The following PCDHGB3 variants were observed in gnomAD, a reference collection of about 807,000 sequenced individuals.
PCDHGB3 encodes protocadherin gamma-B3.
Under a neutral mutation model 59.2 loss-of-function variants are expected in PCDHGB3, and 40 were observed. The observed-to-expected ratio is 0.68, with a 90% confidence interval of 0.52 to 0.88. The LOEUF (loss-of-function observed/expected upper bound fraction) is 0.88, where lower values mean the gene tolerates loss of function less well. Among genes scored for constraint, PCDHGB3 ranks in the 40% least tolerant of loss-of-function variants. PCDHGB3 has a pLI of 0.00. For synonymous variants in PCDHGB3, 581 were observed against 503.6 expected (o/e 1.15, Z -2.06); for missense variants, 1,309 against 1,187.9 (o/e 1.10, Z -1.50).
intron 1 of PCDHGB3, chr5:141,395,524 T>A: frequency 2.5e-6 from 1 of 392,376 alleles, no homozygotes; most frequent in Non-Finnish European, 4.5e-6. Flanking sequence ...CCGTCCATAC[T>A]GGTAATTTTG....
At position 141,486,761 on chromosome 5, in the gene PCDHGB3, A is replaced by G. The variant is rs1368106682; in HGVS notation, c.2416-8046A>G. 1 of 1,614,114 alleles carries G rather than the reference A, an allele frequency of 6.2e-7. No homozygotes were observed. The highest frequency in any genetic ancestry group is 8.5e-7 in the Non-Finnish European group (1 of 1,180,056). ...ATCCTTTGACTATGAGCAAACCCAG[A>G]CACTGCAGTTTGAGGTGCAGGCCCG... On this transcript the variant is annotated intron_variant, in intron 1 of 3. Transcript: ENST00000576222. The surrounding 1 kb of genome is among the most constrained non-coding windows in gnomAD (Gnocchi z 5.0).
At chr5:141,403,708 T>C (rs1265644591) in intron 1 of PCDHGB3, 2 of 1,613,906 alleles carry the variant, frequency 1.2e-6, no homozygotes, top group South Asian at 1.1e-5. Flanking sequence ...TTAAAGTCCT[T>C]GAGAACGTGC....
In PCDHGB3 at chr5:141,372,623, C is replaced by T. The variant is rs1024329977; in HGVS notation, c.2229C>T (p.Tyr743=). The T allele has an allele frequency of 6.8e-6, 11 of 1,613,878 alleles. No homozygotes were observed. In the Admixed American group the frequency reaches 1.2e-4, roughly 17 times the overall value. ...CTGTACCTGGAGTTCTCCCCACCTA[C>T]AGCGAAAGGACTTTGCCTTATTCCT... is the stretch of plus-strand genomic sequence containing the variant. ...FKTVPGVLPT[Y]SERTLPYSYN... is the part of the protein sequence containing the mutation. The change falls in exon 1 of 4, where the codon TAC becomes TAT. Residue 743 remains tyrosine, a synonymous_variant. Transcript: ENST00000576222.
chr5:141,450,937 A>G (rs1011608521), intron 1 of PCDHGB3, among the ~76,000 whole-genome samples: 1 of 148,134 alleles, frequency 6.8e-6, no homozygotes, highest in African/African-American at 2.5e-5. Flanking sequence ...CAATTCTCCT[A>G]CCTCAGCCTC....
chr5:141,444,240 C>T (rs1017550385), intron 1 of PCDHGB3, among the ~76,000 whole-genome samples: 4 of 128,690 alleles, frequency 3.1e-5, no homozygotes, highest in African/African-American at 5.9e-5. Context: ...GGCATGCTCT[C>T]GGCTCACTGC....
intron 1 of PCDHGB3, chr5:141,410,053 C>T: frequency 6.2e-7 from 1 of 1,613,160 alleles, no homozygotes; most frequent in African/African-American, 1.3e-5. Context: ...CCGGACTCTT[C>T]AGCCTGGGGC....
intron 1 of PCDHGB3, among the ~76,000 whole-genome samples, chr5:141,402,221 G>A (rs567791316): frequency 1.3e-5 from 2 of 151,942 alleles, no homozygotes; most frequent in Admixed American, 6.5e-5. Context: ...TAAAATAAAC[G>A]TTTTTCCAGG....
In PCDHGB3 at chr5:141,371,361, G is replaced by C; in HGVS notation, c.967G>C (p.Asp323His). ...DSYTIGVEAKDGGHHTAYCKV... is the reference protein window; with the variant it reads ...DSYTIGVEAKHGGHHTAYCKV... ...CTACACAATTGGGGTGGAAGCAAAG[G>C]ATGGTGGACATCACACTGCATATTG... The change falls in exon 1 of 4, where the codon GAT becomes CAT. Residue 323 changes from aspartate to histidine, a missense_variant. Asp to His is a moderately conservative substitution (Grantham distance 81). Transcript: ENST00000576222. 1 of 1,613,976 alleles carries C rather than the reference G, an allele frequency of 6.2e-7. No individual in the cohort carries two copies. Among genetic ancestry groups the C allele is most frequent in the Non-Finnish European group, 8.5e-7 (1 of 1,179,888 alleles).
intron 1 of PCDHGB3, chr5:141,384,177 T>C (rs1779802926): frequency 6.2e-7 from 1 of 1,613,720 alleles, no homozygotes; most frequent in African/African-American, 1.3e-5. Flanking sequence ...AAGCCACAGA[T>C]GGTGGAACTC....
In PCDHGB3 at chr5:141,422,843, G is replaced by C. The variant is rs778670588; in HGVS notation, c.2415+50034G>C. 1.9e-6 allele frequency: 3 copies of C among 1,614,234 alleles called. No homozygotes were observed. In the East Asian group the frequency reaches 6.7e-5, roughly 36 times the overall value. ...CTGAGAGTGATAGCACGTGACAGCG[G>C]GGACCCGCCCCTCAGCAGCAACGTG... is the stretch of plus-strand genomic sequence containing the variant. On this transcript the variant is annotated intron_variant, in intron 1 of 3. Coordinates refer to ENST00000576222, the MANE Select transcript of PCDHGB3 (RefSeq NM_018924.5).
chr5:141,469,595 CAAAAT>C (rs919167679), intron 1 of PCDHGB3, among the ~76,000 whole-genome samples: 3 of 151,998 alleles, frequency 2.0e-5, no homozygotes, highest in Admixed American at 6.6e-5. Context: ...ATAAATAAAA[CAAAAT>C]AAGTAAAATA....
chr5:141,492,037 C>A (rs556842734), intron 1 of PCDHGB3: 94 of 538,798 alleles, frequency 1.7e-4, no homozygotes, highest in Non-Finnish European at 2.5e-4. Flanking sequence ...AGGAGGCAGT[C>A]ACAGATCCAC....
At chr5:141,452,897 T>C (rs1447851469) in intron 1 of PCDHGB3, among the ~76,000 whole-genome samples, 1 of 152,230 alleles carries the variant, frequency 6.6e-6, no homozygotes, top group Non-Finnish European at 1.5e-5. Flanking sequence ...CCACTTTTAT[T>C]AGTTGGCATT....
rs561053469 is a variant in PCDHGB3 at position 141,389,531 on chromosome 5, A to G, written c.2415+16722A>G. The G allele has an allele frequency of 5.0e-6, 8 of 1,613,210 alleles. No individual in the cohort carries two copies. In the East Asian group the frequency reaches 6.7e-5, roughly 13 times the overall value. On this transcript the variant is annotated intron_variant, in intron 1 of 3. Transcript: ENST00000576222. ...GCGCGAACGTGAGCCTGCGCGTGTT[A>G]GTGGACGACCGCAACGACAATGCGC...
chr5:141,419,013 G>A, intron 1 of PCDHGB3: 2 of 1,613,958 alleles, frequency 1.2e-6, no homozygotes, highest in South Asian at 2.2e-5. Flanking sequence ...GTCAGGTGTA[G>A]CTTAAGTAGA....
rs148433768 is a variant in PCDHGB3 at position 141,385,635 on chromosome 5, C to T, written c.2415+12826C>T. 5.7e-6 allele frequency: 5 copies of T among 870,078 alleles called. No homozygotes were observed. The African/African-American group carries it at 8.9e-5, about 15-fold the overall frequency. 53.9% of individuals were successfully genotyped at this position (870,078 alleles called of 1,614,324 possible). A position where few individuals can be genotyped will look rare whatever the true frequency, so the allele number is the denominator to read the frequency against. On this transcript the variant is annotated intron_variant, in intron 1 of 3. Transcript: ENST00000576222. ...TTTTATACATTGGAATGAATCGAGT[C>T]TTTCATATTGCACAAGGTTAGCAGG...
At chr5:141,467,768 C>T (rs2099151160) in intron 1 of PCDHGB3, among the ~76,000 whole-genome samples, 2 of 151,794 alleles carry the variant, frequency 1.3e-5, no homozygotes, top group African/African-American at 2.4e-5. Flanking sequence ...CTCAAGTGCC[C>T]GCACCTCAGC....
chr5:141,490,686 C>T lies in PCDHGB3; in HGVS notation c.2416-4121C>T. The T allele has an allele frequency of 3.7e-6, 6 of 1,614,196 alleles. No homozygotes were observed. The highest frequency in any genetic ancestry group is 5.1e-6 in the Non-Finnish European group (6 of 1,180,014). ...GCACTGTGGCTGCCTCAGATCCAGA[C>T]ACTGGGGATAATGCCCGCCTCACCT... On this transcript the variant is annotated intron_variant, in intron 1 of 3. Coordinates refer to ENST00000576222, the MANE Select transcript of PCDHGB3 (RefSeq NM_018924.5). This position sits in a 1 kb window ranked among gnomAD's most constrained non-coding sequence, Gnocchi z 5.4.
intron 1 of PCDHGB3, chr5:141,375,524 G>T: frequency 6.2e-7 from 1 of 1,613,986 alleles, no homozygotes; most frequent in Admixed American, 1.7e-5. Flanking sequence ...GGACCCTGAC[G>T]TGGACCAGAA....
Sources: allele counts gnomAD v4.1 joint callset (sites outside exome capture counted in the v4.1 genomes callset), GRCh38; gene constraint gnomAD v4.1.1; non-coding constraint Gnocchi (gnomAD v3.1); transcripts MANE v1.5; gene names NCBI Gene and HGNC (gene_info 2026-07-23, HGNC 2026-07-21).